Variants in MCTP1 observed in about 807,000 individuals in gnomAD.
The protein encoded by MCTP1 is multiple C2 and transmembrane domain-containing protein 1.
Under a neutral mutation model 120.6 loss-of-function variants are expected in MCTP1, and 69 were observed. The ratio of observed to expected loss-of-function variants is 0.57; its 90% CI spans 0.47 to 0.70. The LOEUF (loss-of-function observed/expected upper bound fraction) is 0.70. Among genes scored for constraint, MCTP1 ranks in the 30% least tolerant of loss-of-function variants. MCTP1 has a pLI of 0.00. For synonymous variants in MCTP1, 529 were observed against 493.1 expected (o/e 1.07, Z -0.96); for missense variants, 1,203 against 1,248.8 (o/e 0.96, Z 0.55).
chr5:95,038,270 C>T (rs1233714062), intron 1 of MCTP1: 8 of 286,438 alleles, frequency 2.8e-5, no homozygotes, highest in Non-Finnish European at 3.7e-5. Flanking sequence ...TCATTGTTTA[C>T]CATTTTTGTA....
intron 1 of MCTP1, among the ~76,000 whole-genome samples, chr5:95,120,333 C>T (rs1758133511): frequency 6.6e-6 from 1 of 151,950 alleles, no homozygotes; most frequent in Admixed American, 6.5e-5. Context: ...AGTCATTATG[C>T]AAGGCCAGTA....
chr5:95,069,720 A>G (rs1324523769), intron 1 of MCTP1, among the ~76,000 whole-genome samples: 6 of 139,780 alleles, frequency 4.3e-5, no homozygotes, highest in Admixed American at 1.5e-4. Flanking sequence ...TTTTTTTGAG[A>G]CAAAGTCTTG....
At chr5:95,149,169 T>C (rs1349878346) in intron 1 of MCTP1, among the ~76,000 whole-genome samples, 2 of 152,198 alleles carry the variant, frequency 1.3e-5, no homozygotes, top group African/African-American at 4.8e-5. Context: ...TGTATGCATT[T>C]CTTTTGTTAG....
intron 19 of MCTP1, among the ~76,000 whole-genome samples, chr5:94,758,442 T>A (rs895110207): frequency 6.6e-6 from 1 of 152,048 alleles, no homozygotes; most frequent in Non-Finnish European, 1.5e-5. Context: ...CGAGACCCCA[T>A]CTCTTAAAAA....
intron 1 of MCTP1, among the ~76,000 whole-genome samples, chr5:95,150,107 T>C (rs1297229235): frequency 1.3e-5 from 2 of 152,206 alleles, no homozygotes; most frequent in Non-Finnish European, 2.9e-5. Flanking sequence ...CCCCTTCTAG[T>C]CAGTCATCTT....
At chr5:94,806,034 G>A (rs984678916) in intron 17 of MCTP1, among the ~76,000 whole-genome samples, 1 of 151,700 alleles carries the variant, frequency 6.6e-6, no homozygotes, top group African/African-American at 2.4e-5. Flanking sequence ...CCACTTCTTA[G>A]GTGTTCTGGT....
intron 17 of MCTP1, among the ~76,000 whole-genome samples, chr5:94,849,375 A>G (rs565082625): frequency 6.6e-6 from 1 of 152,306 alleles, no homozygotes; most frequent in South Asian, 2.1e-4. Flanking sequence ...TTTGGGTGCT[A>G]ATTAGACCTT....
intron 22 of MCTP1, 162 bp downstream of exon 22, chr5:94,708,350 C>A: frequency 2.0e-6 from 1 of 512,576 alleles, no homozygotes. Context: ...TGGATAACAC[C>A]CCAGGTGGGC....
intron 1 of MCTP1, among the ~76,000 whole-genome samples, chr5:95,128,025 T>TA (rs1261724950): frequency 6.6e-6 from 1 of 152,166 alleles, no homozygotes; most frequent in Admixed American, 6.5e-5. Flanking sequence ...TGCGAGGGCT[T>TA]AAAACAGGAA....
chr5:94,744,367 A>G (rs1766373338), intron 19 of MCTP1, among the ~76,000 whole-genome samples: 1 of 152,232 alleles, frequency 6.6e-6, no homozygotes, highest in Non-Finnish European at 1.5e-5. Flanking sequence ...TCTAAAATGC[A>G]CAGGGAGCAA....
intron 1 of MCTP1, among the ~76,000 whole-genome samples, chr5:95,226,763 G>T (rs1411344955): frequency 6.6e-6 from 1 of 151,838 alleles, no homozygotes; most frequent in Non-Finnish European, 1.5e-5. Flanking sequence ...AACCTAACTG[G>T]CATTAAAAGA....
At chr5:94,997,833 T>C (rs72777369) in intron 2 of MCTP1, among the ~76,000 whole-genome samples, 6,753 of 152,242 alleles carry the variant, frequency 0.044, 282 homozygotes, top group East Asian at 0.087. Context: ...ATCAATGCAG[T>C]AAAAACTGTG....
intron 1 of MCTP1, among the ~76,000 whole-genome samples, chr5:95,052,590 A>G (rs903040417): frequency 2.6e-5 from 4 of 152,148 alleles, no homozygotes; most frequent in Admixed American, 1.3e-4. Flanking sequence ...TAAAATTTAC[A>G]GTTGCCATCC....
chr5:94,835,713 G>T (rs1404604022), intron 17 of MCTP1, among the ~76,000 whole-genome samples: 1 of 152,150 alleles, frequency 6.6e-6, no homozygotes, highest in Non-Finnish European at 1.5e-5. Context: ...CCTCTCAAGA[G>T]AATTCTTCAG....
At chr5:95,197,494 A>G (rs907916261) in intron 1 of MCTP1, among the ~76,000 whole-genome samples, 1 of 152,202 alleles carries the variant, frequency 6.6e-6, no homozygotes, top group African/African-American at 2.4e-5. Flanking sequence ...CTAAATAGGT[A>G]TCCTGTTTAG....
At chr5:95,055,857 T>C (rs1322267765) in intron 1 of MCTP1, among the ~76,000 whole-genome samples, 1 of 152,152 alleles carries the variant, frequency 6.6e-6, no homozygotes, top group Non-Finnish European at 1.5e-5. Flanking sequence ...AAAAAAAATA[T>C]TAAAACAATA....
At chr5:95,143,807 G>T (rs2152444645) in intron 1 of MCTP1, among the ~76,000 whole-genome samples, 1 of 152,218 alleles carries the variant, frequency 6.6e-6, no homozygotes, top group Non-Finnish European at 1.5e-5. Flanking sequence ...GTCCACTGTT[G>T]CTAGGCACCT....
chr5:94,920,482 C>A (rs543174278), intron 7 of MCTP1, among the ~76,000 whole-genome samples: 2 of 152,074 alleles, frequency 1.3e-5, no homozygotes, highest in Non-Finnish European at 2.9e-5. Context: ...GTGGCTCACG[C>A]CTGTAATCCC....
At chr5:94,909,075 G>A (rs368855137) in intron 10 of MCTP1, among the ~76,000 whole-genome samples, 176 bp downstream of exon 10, 2 of 151,914 alleles carry the variant, frequency 1.3e-5, no homozygotes, top group Admixed American at 6.6e-5. Flanking sequence ...GGTCAAAACC[G>A]CCACCTACTG....
Sources: allele counts gnomAD v4.1 joint callset (sites outside exome capture counted in the v4.1 genomes callset), GRCh38; gene constraint gnomAD v4.1.1; transcripts MANE v1.5; gene names NCBI Gene and HGNC (gene_info 2026-07-23, HGNC 2026-07-21).